DNAH10: variants seen among roughly 807,000 people sequenced by gnomAD.
DNAH10 encodes axonemal beta dynein heavy chain 10.
DNAH10 carries 348 observed loss-of-function variants against 506.6 expected under a neutral mutation model. The observed-to-expected ratio is 0.69, with a 90% CI of 0.63 to 0.75. The LOEUF (loss-of-function observed/expected upper bound fraction) is 0.75, where lower values mean the gene tolerates loss of function less well. Ranked by LOEUF, DNAH10 falls within the 30% of genes least tolerant of loss-of-function variation. The probability of loss-of-function intolerance (pLI) is 0.00; values close to 1 mark genes in which losing one functional copy is unlikely to be tolerated. For synonymous variants in DNAH10, 2,059 were observed against 2,198.6 expected, an observed-to-expected ratio of 0.94 and a Z score of 1.78; for missense variants, 5,179 against 5,787.1, an observed-to-expected ratio of 0.89 and a Z score of 3.41.
intron 14 of DNAH10, 121 bp downstream of exon 14, chr12:123,799,492 G>A: frequency 3.0e-6 from 4 of 1,351,718 alleles, no homozygotes; most frequent in Non-Finnish European, 4.0e-6. Context: ...TCAAAGACAA[G>A]GAAGGGCTAG....
intron 52 of DNAH10, among the ~76,000 whole-genome samples, chr12:123,889,124 T>C (rs1952866094): frequency 6.6e-6 from 1 of 152,230 alleles, no homozygotes; most frequent in South Asian, 2.1e-4. Context: ...CTGCACTTGC[T>C]CTGCCATGCG....
At position 123,913,128 on chromosome 12, in the gene DNAH10, A is replaced by G. The variant is rs1954305372; in HGVS notation, c.10165A>G (p.Thr3389Ala). The change falls in exon 60 of 79, where the codon ACT (threonine) becomes GCT (alanine). Residue 3389 changes from threonine (T) to alanine (A), a missense_variant. Around this residue, in one of 3 missense-constraint regions of DNAH10, gnomAD observed 4,844 missense variants for 5,430.5 expected, o/e 0.89. Transcript: ENST00000673944. This position sits in a 1 kb window ranked among gnomAD's most constrained non-coding sequence, Gnocchi z 5.1. Reference protein sequence around the residue: ...VARLERNFYLTKRELERIQNE... With the variant: ...VARLERNFYLAKRELERIQNE... ...CAGGCTGGAGCGGAATTTTTACCTC[A>G]CTAAACGGGAACTGGAAAGGATCCA... 6.2e-7 allele frequency: 1 copy of G among 1,611,382 alleles called. No homozygotes were observed. Among genetic ancestry groups the G allele is most frequent in the Non-Finnish European group, 8.5e-7 (1 of 1,179,268 alleles).
Position 123,796,805 on chromosome 12 carries a change from G to A in DNAH10, c.2136G>A (p.Glu712=). 1 of 1,612,988 alleles carries A rather than the reference G, an allele frequency of 6.2e-7. No homozygotes were observed. ...HTILRFQEVQ[E]ILDSDRGQEV... is the part of the protein sequence containing the mutation. ...TCCTCCGATTTCAAGAGGTACAAGA[G>A]ATACTGGACAGTGATCGAGGACAGG... is the stretch of plus-strand genomic sequence containing the variant. The change falls in exon 13 of 79, where the codon GAG becomes GAA. Residue 712 remains glutamate, a synonymous_variant. Coordinates refer to ENST00000673944, the MANE Select transcript of DNAH10 (RefSeq NM_001372106.1).
intron 2 of DNAH10, among the ~76,000 whole-genome samples, chr12:123,770,263 TTA>T (rs1957201427): frequency 2.6e-5 from 4 of 151,350 alleles, no homozygotes; most frequent in East Asian, 4.0e-4. Flanking sequence ...AAATTTTTTT[TTA>T]AAATTTTTTT....
chr12:123,922,392 A>G (rs1032627369), intron 65 of DNAH10, among the ~76,000 whole-genome samples: 1 of 152,170 alleles, frequency 6.6e-6, no homozygotes, highest in African/African-American at 2.4e-5. Flanking sequence ...GGTTTTTGAA[A>G]AGGAGTTGGG....
intron 5 of DNAH10, among the ~76,000 whole-genome samples, chr12:123,774,618 T>C (rs1392683006): frequency 1.3e-5 from 2 of 152,260 alleles, no homozygotes; most frequent in Non-Finnish European, 2.9e-5. Flanking sequence ...AACGAAGGGA[T>C]GGGCCGAATT....
intron 53 of DNAH10, among the ~76,000 whole-genome samples, chr12:123,894,082 C>CTTTTTTT (rs558490981): frequency 1.1e-5 from 1 of 89,150 alleles, no homozygotes; most frequent in African/African-American, 4.3e-5. Flanking sequence ...AATGAGCATC[C>CTTTTTTT]TTTTTTTTTT....
chr12:123,916,322 C>A lies in DNAH10; in HGVS notation c.10723-135C>A. ...TGTATATGCGTTATACCCCTTGCTT[C>A]TCTCTTCTTTTCACCTCTGGCCCCC... On this transcript the variant is annotated intron_variant, in intron 62 of 78. Transcript: ENST00000673944. This position sits in a 1 kb window ranked among gnomAD's most constrained non-coding sequence, Gnocchi z 4.6. The A allele has an allele frequency of 1.7e-6, 2 of 1,148,740 alleles. No homozygotes were observed. Among genetic ancestry groups the A allele is most frequent in the East Asian group, 2.4e-5 (1 of 42,526 alleles). 71.2% of individuals were successfully genotyped at this position (1,148,740 alleles called of 1,614,324 possible). A position where few individuals can be genotyped will look rare whatever the true frequency, so the allele number is the denominator to read the frequency against.
In DNAH10 at chr12:123,914,345, G is replaced by A. The variant is rs1256446630; in HGVS notation, c.10369G>A (p.Asp3457Asn). Reference sequence around the variant, plus strand: ...CCGTGCCAGGTGGCTGAACGACCTGGATGAGCTGATGCACCGGCGCGTGAA... The same window carrying A: ...CCGTGCCAGGTGGCTGAACGACCTGAATGAGCTGATGCACCGGCGCGTGAA... ...SENIRWLNDL[D>N]ELMHRRVKLL... Residue 3457 changes from aspartate to asparagine, a missense_variant, in exon 61 of 79, where the codon GAT becomes AAT. Coordinates refer to ENST00000673944, the MANE Select transcript of DNAH10 (RefSeq NM_001372106.1). The A allele has an allele frequency of 6.2e-6, 10 of 1,612,972 alleles. No individual in the cohort carries two copies. Among genetic ancestry groups the A allele is most frequent in the Non-Finnish European group, 8.5e-6 (10 of 1,179,798 alleles).
chr12:123,845,458 A>C lies in DNAH10; in HGVS notation c.5361-142A>C. ...CTTACTCCTCTGACTTACTTAGGTA[A>C]ACAAATACAGGCACTTGCTTACCTA... On this transcript the variant is annotated intron_variant, in intron 30 of 78. Coordinates refer to ENST00000673944, the MANE Select transcript of DNAH10 (RefSeq NM_001372106.1). 5.2e-6 allele frequency: 6 copies of C among 1,144,480 alleles called. No homozygotes were observed. In the South Asian group the frequency reaches 9.8e-5, roughly 19 times the overall value. 70.9% of individuals were successfully genotyped at this position (1,144,480 alleles called of 1,614,324 possible). A position where few individuals can be genotyped will look rare whatever the true frequency, so the allele number is the denominator to read the frequency against.
rs745454517 is a variant in DNAH10 at position 123,841,328 on chromosome 12, G to A, written c.5143G>A (p.Asp1715Asn). The change falls in exon 30 of 79, where the codon GAC becomes AAC. Residue 1715 changes from aspartate to asparagine, a missense_variant. Physicochemically the swap from Asp to Asn is conservative, Grantham distance 23. Coordinates refer to ENST00000673944, the MANE Select transcript of DNAH10 (RefSeq NM_001372106.1). ...CVQEHMIKMY[D>N]NIASLRFNDG... ...TGCCTCTCCCTGTTTGCAGATGTAC[G>A]ACAACATAGCATCACTGAGGTTTAA... 5.6e-6 allele frequency: 9 copies of A among 1,613,788 alleles called. No individual in the cohort carries two copies. The highest frequency in any genetic ancestry group is 1.1e-5 in the South Asian group (1 of 91,070).
At position 123,897,757 on chromosome 12, in the gene DNAH10, C is replaced by G. The variant is rs771971953; in HGVS notation, c.9281-13C>G. ...AAAAAGAAAGAAAACATTTTTTATT[C>G]CTTCCTCTTCAGGGTATAATCCAAT... On this transcript the variant is annotated splice_polypyrimidine_tract_variant and intron_variant, in intron 54 of 78. Transcript: ENST00000673944. The G allele has an allele frequency of 1.3e-6, 2 of 1,586,390 alleles. No homozygotes were observed. The highest frequency in any genetic ancestry group is 1.7e-6 in the Non-Finnish European group (2 of 1,172,856).
chr12:123,830,306 C>T (rs992346767), intron 25 of DNAH10, among the ~76,000 whole-genome samples: 3 of 152,076 alleles, frequency 2.0e-5, no homozygotes, highest in Non-Finnish European at 2.9e-5. Context: ...ATGAGAAGGC[C>T]GTGAAGACTA....
chr12:123,804,527 C>CAA (rs1283454178), intron 17 of DNAH10, among the ~76,000 whole-genome samples: 1,186 of 78,808 alleles, frequency 0.015, 17 homozygotes, highest in African/African-American at 0.05. Flanking sequence ...GACTCCGTCT[C>CAA]AAAAAAAAAA....
chr12:123,923,699 A>G, intron 65 of DNAH10, 64 bp from the exon 66 acceptor site: 1 of 1,191,086 alleles, frequency 8.4e-7, no homozygotes, highest in Non-Finnish European at 1.2e-6. Context: ...CAGTGTGCAT[A>G]AGAAACTCAG....
intron 1 of DNAH10, among the ~76,000 whole-genome samples, chr12:123,765,678 A>G (rs1057242318): frequency 2.7e-5 from 4 of 150,442 alleles, no homozygotes; most frequent in Non-Finnish European, 3.0e-5. Flanking sequence ...TCTATTATCT[A>G]TCTACCAACT....
chr12:123,887,424 T>A, intron 52 of DNAH10, 111 bp downstream of exon 52: 1 of 1,294,270 alleles, frequency 7.7e-7, no homozygotes, highest in South Asian at 1.6e-5. Context: ...CCTGTGCGGG[T>A]GTACCTGTTC....
intron 32 of DNAH10, among the ~76,000 whole-genome samples, chr12:123,847,247 TATCTATCTATCTATCTATCC>T (rs1450944083): frequency 4.0e-5 from 6 of 149,318 alleles, no homozygotes; most frequent in South Asian, 2.1e-4. Context: ...TCTATCTATC[TATCTATCTATCTATCTATCC>T]ATCCATCCAT....
chr12:123,863,621 C>T (rs573781418), intron 39 of DNAH10, among the ~76,000 whole-genome samples: 10 of 152,310 alleles, frequency 6.6e-5, no homozygotes, highest in African/African-American at 1.9e-4. Context: ...TCTTGGCCTT[C>T]CCCTCTGTGT....
Sources: allele counts gnomAD v4.1 joint callset (sites outside exome capture counted in the v4.1 genomes callset), GRCh38; gene constraint gnomAD v4.1.1; regional missense constraint gnomAD v4.1.1; non-coding constraint Gnocchi (gnomAD v3.1); transcripts MANE v1.5; gene names NCBI Gene and HGNC (gene_info 2026-07-23, HGNC 2026-07-21).